MED1: variants seen among roughly 807,000 people sequenced by gnomAD.
MED1 encodes mediator complex subunit 1.
In MED1, 17 loss-of-function variants were observed where a neutral mutation model predicts 121.3. That is an observed-to-expected ratio of 0.14 (90% CI 0.10 to 0.21). The LOEUF is 0.21. MED1 is among the 10% of genes least tolerant of loss of function. The pLI, the probability that MED1 is intolerant of heterozygous loss-of-function variation, is 1.00. For missense variants in MED1, 1,558 were observed against 1,919.4 expected (o/e 0.81, Z 3.52); for synonymous variants, 661 against 694.4 (o/e 0.95, Z 0.76).
At chr17:39,439,101 A>G in intron 6 of MED1, 64 bp downstream of exon 6, 2 of 1,457,330 alleles carry the variant, frequency 1.4e-6, no homozygotes, top group South Asian at 2.5e-5. Context: ...ACCAGTCTTA[A>G]AAGCCAGCTG....
chr17:39,440,317 C>A lies in MED1; in HGVS notation c.399+69G>T, dbSNP rs143205280. 6.9e-7 allele frequency: 1 copy of A among 1,455,350 alleles called. No homozygotes were observed. Among genetic ancestry groups the A allele is most frequent in the South Asian group, 1.5e-5 (1 of 68,436 alleles). 90.2% of individuals were successfully genotyped at this position (1,455,350 alleles called of 1,614,324 possible). Reference sequence around the variant, plus strand: ...TAAACCCAAGCTATTTAAACCCCAACAATTAATTTTAAAATTAATGTCCCT... The same window carrying A: ...TAAACCCAAGCTATTTAAACCCCAAAAATTAATTTTAAAATTAATGTCCCT... On this transcript the variant is annotated intron_variant, in intron 5 of 16. Transcript: ENST00000300651. This position sits in a 1 kb window ranked among gnomAD's most constrained non-coding sequence, Gnocchi z 4.1.
In MED1 at chr17:39,415,142, A is replaced by G; in HGVS notation, c.1394-11T>C. Reference sequence around the variant, plus strand: ...GCACATCCATTACCACTGAAAGACAAAATACATAGGAAATTGTTTTAGATT... The same window carrying G: ...GCACATCCATTACCACTGAAAGACAGAATACATAGGAAATTGTTTTAGATT... On this transcript the variant is annotated splice_polypyrimidine_tract_variant and intron_variant, in intron 15 of 16. Transcript: ENST00000300651. 1 of 1,613,210 alleles carries G rather than the reference A, an allele frequency of 6.2e-7. No homozygotes were observed.
Position 39,423,809 on chromosome 17 carries a change from G to A in MED1, c.864C>T (p.Phe288=), listed in dbSNP as rs950408478. 9 of 1,610,170 alleles carry A rather than the reference G, an allele frequency of 5.6e-6. No individual in the cohort carries two copies. The Admixed American group carries it at 1.2e-4, about 21-fold the overall frequency. ...CACTGTTGGCACTGGTGATTGAGGA[G>A]AAGGAAGGGGTCCTTCAAAAAAAAG... is the stretch of plus-strand genomic sequence containing the variant. ...HPVDNKWTPS[F]SSITSANSVD... is the part of the protein sequence containing the mutation. The change falls in exon 12 of 17, where the codon TTC becomes TTT. Residue 288 remains phenylalanine (F), a synonymous_variant. Transcript: ENST00000300651.
At position 39,440,761 on chromosome 17, in the gene MED1, T is replaced by C. The variant is rs2048667444; in HGVS notation, c.212-84A>G. ...CTTTTAAGACAGAAAGATTCATCCT[T>C]CCAAAACCGTAAACATATTCAGTAG... On this transcript the variant is annotated intron_variant, in intron 3 of 16. Transcript: ENST00000300651. The surrounding 1 kb of genome is among the most constrained non-coding windows in gnomAD (Gnocchi z 4.1). The C allele has an allele frequency of 1.5e-6, 2 of 1,298,870 alleles. No individual in the cohort carries two copies. The highest frequency in any genetic ancestry group is 2.2e-6 in the Non-Finnish European group (2 of 914,854). 80.5% of individuals were successfully genotyped at this position (1,298,870 alleles called of 1,614,324 possible). A position where few individuals can be genotyped will look rare whatever the true frequency, so the allele number is the denominator to read the frequency against.
chr17:39,426,973 T>C (rs1032631799), intron 10 of MED1, among the ~76,000 whole-genome samples: 3 of 152,070 alleles, frequency 2.0e-5, no homozygotes, highest in Admixed American at 6.6e-5. Context: ...ACCATGACTA[T>C]TTACATGCAC....
intron 10 of MED1, among the ~76,000 whole-genome samples, chr17:39,426,857 T>C (rs2048519820): frequency 6.6e-6 from 1 of 151,960 alleles, no homozygotes; most frequent in African/African-American, 2.4e-5. Flanking sequence ...TATCTTTTCT[T>C]GTATCAAGGG....
chr17:39,411,603 C>G (rs1462010239), intron 16 of MED1, among the ~76,000 whole-genome samples: 1 of 152,122 alleles, frequency 6.6e-6, no homozygotes, highest in African/African-American at 2.4e-5. Context: ...GCCTTGGTGA[C>G]AGTGCAAGAC....
chr17:39,418,191 G>A (rs556840171), intron 14 of MED1, among the ~76,000 whole-genome samples: 1 of 151,552 alleles, frequency 6.6e-6, no homozygotes, highest in Non-Finnish European at 1.5e-5. Flanking sequence ...CAAACAATGG[G>A]GAGAGAAAAC....
rs1002955099 is a variant in MED1 at position 39,410,085 on chromosome 17, T to G, written c.2136A>C (p.Leu712=). 4.3e-6 allele frequency: 7 copies of G among 1,614,086 alleles called. No individual in the cohort carries two copies. Among genetic ancestry groups the G allele is most frequent in the Non-Finnish European group, 5.9e-6 (7 of 1,180,030 alleles). Residue 712 remains leucine (L), a synonymous_variant, in exon 17 of 17, where the codon CTA becomes CTC. Coordinates refer to ENST00000300651, the MANE Select transcript of MED1 (RefSeq NM_004774.4). ...TCTGTGAGTCAACATCCATTGAAAA[T>G]AGCTCCCTCTGAAAGTCATCTTCAG... is the stretch of plus-strand genomic sequence containing the variant. ...HQTEDDFQRE[L]FSMDVDSQNP... is the part of the protein sequence containing the mutation.
At chr17:39,428,822 C>T (rs1257113826) in intron 9 of MED1, among the ~76,000 whole-genome samples, 2 of 151,448 alleles carry the variant, frequency 1.3e-5, no homozygotes, top group African/African-American at 2.4e-5. Context: ...CATGGTGGCT[C>T]GCACCTGTAG....
At chr17:39,445,627 G>C (rs867971992) in intron 2 of MED1, 1 of 152,188 alleles carries the variant, frequency 6.6e-6, no homozygotes, top group Admixed American at 6.6e-5. Context: ...TACCCAAAGA[G>C]AGGGCCTTAT....
chr17:39,405,297 G>C lies in MED1; in HGVS notation c.*2178C>G, dbSNP rs1277108614. ...TATCCTTCATCCAGATCCTAACTCG[G>C]GATTCTTTGATCTGGGATGAAGACA... On this transcript the variant is annotated 3_prime_UTR_variant, in exon 17 of 17. Transcript: ENST00000300651. 1 of 1,605,092 alleles carries C rather than the reference G, an allele frequency of 6.2e-7. No individual in the cohort carries two copies. The highest frequency in any genetic ancestry group is 1.1e-5 in the South Asian group (1 of 89,146).
intron 6 of MED1, among the ~76,000 whole-genome samples, chr17:39,435,557 G>A (rs1461793583): frequency 6.6e-6 from 1 of 152,040 alleles, no homozygotes; most frequent in Non-Finnish European, 1.5e-5. Context: ...CATTCTGTGA[G>A]CATTTACTGA....
In MED1 at chr17:39,409,592, C is replaced by A. The variant is rs2048336588; in HGVS notation, c.2629G>T (p.Gly877Cys). 2 of 1,614,122 alleles carry A rather than the reference C, an allele frequency of 1.2e-6. No individual in the cohort carries two copies. Among genetic ancestry groups the A allele is most frequent in the Non-Finnish European group, 1.7e-6 (2 of 1,180,038 alleles). ...PDLLNSQSQS[G>C]FGEEYFDESS... is the part of the protein sequence containing the mutation. ...TCATCAAAATATTCTTCTCCAAAAC[C>A]ACTTTGGCTCTGGCTGTTCAATAAA... is the stretch of plus-strand genomic sequence containing the variant. The change falls in exon 17 of 17, where the codon GGT (glycine) becomes TGT (cysteine). Residue 877 changes from glycine to cysteine, a missense_variant. Around this residue, in one of 5 missense-constraint regions of MED1, gnomAD observed 793 missense variants for 898.2 expected, o/e 0.88. Transcript: ENST00000300651.
rs2048300717 is a variant in MED1 at position 39,406,052 on chromosome 17, C to G, written c.*1423G>C. ...CCGCAGAATTTTTGAGAGGACCCTC[C>G]AAATACTGAGAACTTCTGTTGCACT... On this transcript the variant is annotated 3_prime_UTR_variant, in exon 17 of 17. Transcript: ENST00000300651. 1.4e-5 allele frequency: 14 copies of G among 985,368 alleles called. No homozygotes were observed. The highest frequency in any genetic ancestry group is 1.7e-5 in the Non-Finnish European group (14 of 829,920). 61.0% of individuals were successfully genotyped at this position (985,368 alleles called of 1,614,324 possible). A position where few individuals can be genotyped will look rare whatever the true frequency, so the allele number is the denominator to read the frequency against.
intron 10 of MED1, among the ~76,000 whole-genome samples, 166 bp from the exon 11 acceptor site, chr17:39,424,904 G>C (rs1471839507): frequency 6.7e-6 from 1 of 149,974 alleles, no homozygotes; most frequent in Non-Finnish European, 1.5e-5. Context: ...TTTTGAGACA[G>C]AGTCTTGCTC....
At chr17:39,422,968 C>T in intron 13 of MED1, among the ~76,000 whole-genome samples, 1 of 144,884 alleles carries the variant, frequency 6.9e-6, no homozygotes, top group South Asian at 2.2e-4. Flanking sequence ...CAGATTCAAG[C>T]CATTCTCCTC....
intron 12 of MED1, 39 bp from the exon 13 acceptor site, chr17:39,423,484 T>C: frequency 6.5e-7 from 1 of 1,532,846 alleles, no homozygotes; most frequent in Non-Finnish European, 9.0e-7. Flanking sequence ...CATGTTAAGA[T>C]GAAAACACTG....
At chr17:39,413,160 CG>C (rs1375966922) in intron 16 of MED1, among the ~76,000 whole-genome samples, 1 of 151,966 alleles carries the variant, frequency 6.6e-6, no homozygotes, top group African/African-American at 2.4e-5. Flanking sequence ...CTGCAGCCTC[CG>C]CCTCCCAGGT....
Sources: gnomAD v4.1 joint callset for allele counts (sites outside exome capture counted in the v4.1 genomes callset) on GRCh38, gnomAD v4.1.1 for gene constraint, gnomAD v4.1.1 regional missense constraint, Gnocchi (gnomAD v3.1) non-coding constraint, MANE v1.5 for transcripts, NCBI Gene and HGNC (gene_info 2026-07-23, HGNC 2026-07-21) for gene names.